The following GPHN variants were observed in gnomAD, a reference collection of about 807,000 sequenced individuals.
GPHN encodes the protein gephyrin.
A neutral mutation model predicts 95.5 loss-of-function variants in GPHN; 17 were observed. The ratio of observed to expected loss-of-function variants is 0.18; its 90% CI spans 0.12 to 0.27. The LOEUF is 0.27. Ranked by LOEUF, GPHN falls within the 10% of genes least tolerant of loss-of-function variation. The probability of loss-of-function intolerance (pLI) is 1.00; values close to 1 mark genes in which losing one functional copy is unlikely to be tolerated. For synonymous variants in GPHN, 320 were observed against 322.5 expected (o/e 0.99, Z 0.08); for missense variants, 660 against 978.1 (o/e 0.67, Z 4.34).
the GPHN span, among the ~76,000 whole-genome samples, chr14:67,391,991 A>G: frequency 1.3e-4 from 20 of 152,258 alleles, no homozygotes; most frequent in African/African-American, 4.6e-4. Context: ...CAGCAAATGC[A>G]AAACCTCAAG....
At chr14:66,772,250 T>C (rs1431041881) in intron 2 of GPHN, among the ~76,000 whole-genome samples, 1 of 152,238 alleles carries the variant, frequency 6.6e-6, no homozygotes, top group East Asian at 1.9e-4. Context: ...ATTTACTTTC[T>C]CCATCTCCAC....
At chr14:66,722,696 A>G (rs947121997) in intron 2 of GPHN, among the ~76,000 whole-genome samples, 6 of 152,028 alleles carry the variant, frequency 3.9e-5, no homozygotes, top group African/African-American at 1.4e-4. Flanking sequence ...CCCCACCTCT[A>G]ATGCTCAAAT....
chr14:67,131,521 C>T (rs992032611), intron 17 of GPHN, among the ~76,000 whole-genome samples: 1 of 152,124 alleles, frequency 6.6e-6, no homozygotes, highest in Non-Finnish European at 1.5e-5. Flanking sequence ...GTCCAAAAGC[C>T]TTGACCATAG....
chr14:66,601,772 T>G (rs1043597357), intron 1 of GPHN, among the ~76,000 whole-genome samples: 2 of 151,866 alleles, frequency 1.3e-5, no homozygotes, highest in Non-Finnish European at 2.9e-5. Context: ...TGGGAAAAAT[T>G]CAAGTAAATA....
chr14:66,913,394 T>TGCAATG (rs1240469126), intron 5 of GPHN, among the ~76,000 whole-genome samples: 1 of 152,138 alleles, frequency 6.6e-6, no homozygotes, highest in East Asian at 1.9e-4. Flanking sequence ...CAGGCTGGAG[T>TGCAATG]GCAATGGCAC....
intron 2 of GPHN, among the ~76,000 whole-genome samples, chr14:66,724,859 C>G (rs1445983419): frequency 2.0e-5 from 3 of 151,860 alleles, no homozygotes; most frequent in Non-Finnish European, 4.4e-5. Context: ...ATTTGAATAC[C>G]CTGAACGTAG....
chr14:66,660,208 T>C (rs960635352), intron 1 of GPHN, among the ~76,000 whole-genome samples: 2 of 152,120 alleles, frequency 1.3e-5, no homozygotes, highest in African/African-American at 4.8e-5. Flanking sequence ...GCCTGAAATA[T>C]TTCTTGTACG....
At chr14:66,559,495 A>G (rs9796318) in intron 1 of GPHN, among the ~76,000 whole-genome samples, 148,677 of 148,726 alleles carry the variant, frequency 1, 74,314 homozygotes, top group Middle Eastern at 1. Context: ...GTCAGTGATG[A>G]TGAGCATTTT....
chr14:67,562,933 T>C, the GPHN span: 1 of 1,584,400 alleles, frequency 6.3e-7, no homozygotes, highest in Non-Finnish European at 8.6e-7. Context: ...GGAGCAGAGC[T>C]AATGGCAAGA....
chr14:67,405,224 C>CAAAAAAAAAAAAAA, the GPHN span, among the ~76,000 whole-genome samples: 1 of 40,482 alleles, frequency 2.5e-5, no homozygotes, highest in Non-Finnish European at 5.4e-5. Flanking sequence ...GAGTCCATCT[C>CAAAAAAAAAAAAAA]AAAAAAAAAA....
chr14:66,939,663 G>A (rs2067307437), intron 8 of GPHN, among the ~76,000 whole-genome samples: 1 of 152,132 alleles, frequency 6.6e-6, no homozygotes, highest in African/African-American at 2.4e-5. Flanking sequence ...AGATTCTCCA[G>A]GGATCCTCTG....
At chr14:66,604,592 T>G (rs2140876568) in intron 1 of GPHN, among the ~76,000 whole-genome samples, 1 of 152,296 alleles carries the variant, frequency 6.6e-6, no homozygotes, top group Middle Eastern at 3.4e-3. Flanking sequence ...GATTTTACTC[T>G]TTTCATTAGA....
At chr14:67,068,360 G>A (rs2076149853) in intron 11 of GPHN, among the ~76,000 whole-genome samples, 1 of 152,166 alleles carries the variant, frequency 6.6e-6, no homozygotes, top group African/African-American at 2.4e-5. Context: ...CTGCAAGTGA[G>A]GATTTTAAGG....
intron 18 of GPHN, among the ~76,000 whole-genome samples, chr14:67,147,187 A>C (rs1394900539): frequency 2.0e-5 from 3 of 152,258 alleles, no homozygotes; most frequent in African/African-American, 7.2e-5. Context: ...TTGATACTAC[A>C]TAAAAGTTAG....
chr14:67,600,277 C>T, the GPHN span: 2 of 1,301,076 alleles, frequency 1.5e-6, no homozygotes, highest in East Asian at 2.8e-5. Flanking sequence ...TCGCCCGCTC[C>T]AGACCCGCTT....
intron 20 of GPHN, among the ~76,000 whole-genome samples, chr14:67,167,691 G>A (rs1477006976): frequency 1.3e-5 from 2 of 152,068 alleles, no homozygotes; most frequent in Non-Finnish European, 2.9e-5. Context: ...CCCCACTCCA[G>A]GTTATACATT....
the GPHN span, among the ~76,000 whole-genome samples, chr14:67,636,590 G>A: frequency 6.6e-6 from 1 of 152,208 alleles, no homozygotes; most frequent in Admixed American, 6.5e-5. Context: ...AGGCTGTTTT[G>A]ATTTCTTCCT....
chr14:66,919,830 G>A (rs2066113542), intron 6 of GPHN, among the ~76,000 whole-genome samples: 1 of 152,090 alleles, frequency 6.6e-6, no homozygotes, highest in African/African-American at 2.4e-5. Flanking sequence ...ACTTTGGGAG[G>A]CCGAGGTGGG....
At chr14:66,566,460 T>C (rs1420985486) in intron 1 of GPHN, among the ~76,000 whole-genome samples, 1 of 152,194 alleles carries the variant, frequency 6.6e-6, no homozygotes, top group Non-Finnish European at 1.5e-5. Context: ...GGAATTGTAT[T>C]GACAGGGTCT....
Sources: gnomAD v4.1 joint callset for allele counts (sites outside exome capture counted in the v4.1 genomes callset) on GRCh38, gnomAD v4.1.1 for gene constraint, MANE v1.5 for transcripts, NCBI Gene and HGNC (gene_info 2026-07-23, HGNC 2026-07-21) for gene names.